NRG2: variants seen among roughly 807,000 people sequenced by gnomAD.
NRG2 encodes the protein pro-neuregulin-2, membrane-bound isoform.
In NRG2, 27 loss-of-function variants were observed where a neutral mutation model predicts 73.9. The observed-to-expected ratio is 0.37, with a 90% CI of 0.27 to 0.50. NRG2 has a LOEUF of 0.50. NRG2 is among the 20% of genes least tolerant of loss of function. NRG2 has a pLI of 0.96. For missense variants in NRG2, 1,126 were observed against 1,210.1 expected (o/e 0.93, Z 1.03); for synonymous variants, 532 against 541.0 (o/e 0.98, Z 0.23).
intron 1 of NRG2, among the ~76,000 whole-genome samples, chr5:139,957,922 T>A (rs922006403): frequency 6.6e-6 from 1 of 152,104 alleles, no homozygotes. Flanking sequence ...TTCCACTTCC[T>A]ATGGGCGCTT....
chr5:139,877,516 T>C (rs1042626448), intron 3 of NRG2, among the ~76,000 whole-genome samples: 1 of 151,678 alleles, frequency 6.6e-6, no homozygotes, highest in Non-Finnish European at 1.5e-5. Flanking sequence ...TTGCTGCAGG[T>C]CTCATGGGTT....
At chr5:140,001,256 CA>C (rs1236178670) in intron 1 of NRG2, among the ~76,000 whole-genome samples, 1 of 152,162 alleles carries the variant, frequency 6.6e-6, no homozygotes, top group East Asian at 1.9e-4. Flanking sequence ...TCGTGTATGG[CA>C]TATTTGTTTG....
chr5:140,029,229 G>A (rs541126230), intron 1 of NRG2, among the ~76,000 whole-genome samples: 9 of 152,270 alleles, frequency 5.9e-5, no homozygotes, highest in African/African-American at 2.2e-4. Context: ...GGTAGAAACT[G>A]GGACTCAAAA....
chr5:139,973,008 C>A (rs544891563), intron 1 of NRG2, among the ~76,000 whole-genome samples: 2 of 152,008 alleles, frequency 1.3e-5, no homozygotes, highest in African/African-American at 4.8e-5. Context: ...TGAGTGTGTG[C>A]AGAAATTAGT....
chr5:139,904,336 C>G lies in NRG2; in HGVS notation c.701-16825G>C. 5.7e-6 allele frequency: 9 copies of G among 1,592,768 alleles called. No individual in the cohort carries two copies. The highest frequency in any genetic ancestry group is 6.8e-6 in the Non-Finnish European group (8 of 1,177,656). The stretch of plus-strand genomic sequence containing the variant: ...CTCCCCGGGATCGGGCTCCCTCTCC[C>G]GCTTCCTCCCCTCTGGGTGCTTCTT... On this transcript the variant is annotated intron_variant, in intron 1 of 9. Coordinates refer to ENST00000361474, the MANE Select transcript of NRG2 (RefSeq NM_004883.3). The surrounding 1 kb of genome is among the most constrained non-coding windows in gnomAD (Gnocchi z 6.0).
chr5:139,889,212 T>G (rs1456527515), intron 1 of NRG2, among the ~76,000 whole-genome samples: 1 of 152,186 alleles, frequency 6.6e-6, no homozygotes. Flanking sequence ...CCTTTTTTCT[T>G]GGAACTCTTG....
chr5:139,993,558 T>C (rs1460387034), intron 1 of NRG2, among the ~76,000 whole-genome samples: 1 of 152,208 alleles, frequency 6.6e-6, no homozygotes, highest in Non-Finnish European at 1.5e-5. Context: ...TCTCACATCA[T>C]TGTTTTAATA....
Position 139,922,070 on chromosome 5 carries a change from C to CAA in NRG2, c.701-34561_701-34560dup, listed in dbSNP as rs35988908. Among the ~76,000 whole-genome samples the CAA allele has an allele frequency of 5.2e-3, 403 of 77,122 alleles. 3 individuals are homozygous for CAA. The highest frequency in any genetic ancestry group is 0.016 in the African/African-American group (365 of 23,198). The allele number at this position is 77,122 out of a possible 152,430, so 50.6% of individuals were successfully genotyped here. A position where few individuals can be genotyped will look rare whatever the true frequency, so the allele number is the denominator to read the frequency against. ...TGGGTGACAGAGCGAGATTCTGTCTCAAAAAAAAAAAAAAAAAAAAATTAA... is the reference window on the plus strand; with the variant it reads ...TGGGTGACAGAGCGAGATTCTGTCTCAAAAAAAAAAAAAAAAAAAAAAATTAA... On this transcript the variant is annotated intron_variant, in intron 1 of 9. Transcript: ENST00000361474.
At position 139,847,955 on chromosome 5, in the gene NRG2, GC is replaced by G; in HGVS notation, c.2514del (p.Pro839ArgfsTer28). On this transcript the variant is annotated frameshift_variant, in exon 10 of 10. Transcript: ENST00000361474. LOFTEE classifies it high-confidence loss of function. ...GAGTCCTGCTTGGCCCGCGGGGGCG[GC>G]CCGCGGCTGTGTCTGCTGCTGGCCC... ...STRASSRHSR[G>X]PPPRAKQDSA... 6.6e-7 allele frequency: 1 copy of G among 1,508,426 alleles called. No individual in the cohort carries two copies. 93.4% of individuals were successfully genotyped at this position (1,508,426 alleles called of 1,614,324 possible).
intron 4 of NRG2, among the ~76,000 whole-genome samples, chr5:139,866,266 G>A (rs1762465081): frequency 6.6e-6 from 1 of 152,184 alleles, no homozygotes; most frequent in African/African-American, 2.4e-5. Flanking sequence ...GAGTTGCAGT[G>A]TACCTTCACC....
At chr5:139,848,779 G>GCT in intron 9 of NRG2, 82 bp from the exon 10 acceptor site, 3 of 198,600 alleles carry the variant, frequency 1.5e-5, no homozygotes, top group East Asian at 4.1e-4. Flanking sequence ...GGTAGGGTGG[G>GCT]AGGGGCGGAC....
intron 1 of NRG2, among the ~76,000 whole-genome samples, chr5:139,962,925 C>T (rs1011024053): frequency 2.6e-5 from 4 of 152,294 alleles, no homozygotes; most frequent in East Asian, 1.9e-4. Flanking sequence ...CATATAACTT[C>T]TCTGGTTCAT....
At chr5:140,000,582 G>C (rs1016603274) in intron 1 of NRG2, among the ~76,000 whole-genome samples, 1 of 152,218 alleles carries the variant, frequency 6.6e-6, no homozygotes, top group African/African-American at 2.4e-5. Flanking sequence ...CTGGGTGAAG[G>C]AACATTGTAA....
intron 1 of NRG2, among the ~76,000 whole-genome samples, chr5:139,967,731 T>C (rs1755643437): frequency 6.6e-6 from 1 of 152,066 alleles, no homozygotes; most frequent in African/African-American, 2.4e-5. Context: ...CCTAGCACTC[T>C]GGGAGGCCGA....
chr5:139,887,953 C>T lies in NRG2; in HGVS notation c.701-442G>A, dbSNP rs1763975949. 6.6e-6 allele frequency among the ~76,000 whole-genome samples: 1 copy of T among 152,158 alleles called. No homozygotes were observed. Among genetic ancestry groups the T allele is most frequent in the Non-Finnish European group, 1.5e-5 (1 of 68,038 alleles). ...AAATCATGGGTAACAAGCCATGGGGCTGTACTGGTGGGCTCAGGCCCAATC... is the reference window on the plus strand; with the variant it reads ...AAATCATGGGTAACAAGCCATGGGGTTGTACTGGTGGGCTCAGGCCCAATC... On this transcript the variant is annotated intron_variant, in intron 1 of 9. Transcript: ENST00000361474. The surrounding 1 kb of genome is among the most constrained non-coding windows in gnomAD (Gnocchi z 4.5).
At chr5:139,928,930 C>T (rs1752263593) in intron 1 of NRG2, among the ~76,000 whole-genome samples, 2 of 151,828 alleles carry the variant, frequency 1.3e-5, no homozygotes, top group South Asian at 2.1e-4. Context: ...GCCTCTTCCC[C>T]TCTACTCATT....
At chr5:139,885,060 T>C (rs1222135604) in intron 2 of NRG2, among the ~76,000 whole-genome samples, 1 of 151,834 alleles carries the variant, frequency 6.6e-6, no homozygotes, top group African/African-American at 2.4e-5. Context: ...GCCTTCAGAA[T>C]CAGAAATGTC....
At chr5:139,891,174 C>T (rs1764190685) in intron 1 of NRG2, among the ~76,000 whole-genome samples, 1 of 152,192 alleles carries the variant, frequency 6.6e-6, no homozygotes, top group Non-Finnish European at 1.5e-5. Context: ...GGTTACTCTA[C>T]CACCTTGGTT....
chr5:139,907,996 G>T (rs1765345845), intron 1 of NRG2, among the ~76,000 whole-genome samples: 1 of 152,254 alleles, frequency 6.6e-6, no homozygotes, highest in South Asian at 2.1e-4. Context: ...ATCCTGTGAG[G>T]GAGGTCAACT....
Sources: allele counts gnomAD v4.1 joint callset (sites outside exome capture counted in the v4.1 genomes callset), GRCh38; gene constraint gnomAD v4.1.1; non-coding constraint Gnocchi (gnomAD v3.1); transcripts MANE v1.5; gene names NCBI Gene and HGNC (gene_info 2026-07-23, HGNC 2026-07-21).